FTO: variants seen among roughly 807,000 people sequenced by gnomAD.
FTO encodes the protein FTO alpha-ketoglutarate dependent dioxygenase.
Under a neutral mutation model 63.9 loss-of-function variants are expected in FTO, and 47 were observed. That is an observed-to-expected ratio of 0.74 (90% CI 0.58 to 0.94). The LOEUF (loss-of-function observed/expected upper bound fraction) is 0.94. FTO is among the 40% of genes least tolerant of loss of function. FTO has a pLI of 0.00. For synonymous variants in FTO, 207 were observed against 224.4 expected (o/e 0.92, Z 0.69); for missense variants, 562 against 618.1 (o/e 0.91, Z 0.96).
chr16:53,844,324 A>T, intron 4 of FTO, 26 bp downstream of exon 4: 2 of 1,571,460 alleles, frequency 1.3e-6, no homozygotes, highest in South Asian at 2.2e-5. Flanking sequence ...TCAAAATTAT[A>T]TTGAAACTCT....
intron 8 of FTO, among the ~76,000 whole-genome samples, chr16:54,078,087 ATCCCCTT>A (rs1287225016): frequency 2.6e-5 from 4 of 152,106 alleles, no homozygotes; most frequent in African/African-American, 9.7e-5. Context: ...GCTTTTTATT[ATCCCCTT>A]TCACCATCAG....
chr16:54,036,257 T>C (rs1488019061), intron 8 of FTO, among the ~76,000 whole-genome samples: 1 of 152,214 alleles, frequency 6.6e-6, no homozygotes, highest in East Asian at 1.9e-4. Context: ...AGCCCCATAA[T>C]GTTTTAAACA....
At chr16:54,004,561 G>A (rs1453271197) in intron 8 of FTO, among the ~76,000 whole-genome samples, 1 of 152,114 alleles carries the variant, frequency 6.6e-6, no homozygotes, top group African/African-American at 2.4e-5. Flanking sequence ...TGGAACTAGA[G>A]CATAGCTGTC....
At chr16:53,923,084 CA>C (rs1439857679) in intron 7 of FTO, 1 of 152,116 alleles carries the variant, frequency 6.6e-6, no homozygotes, top group Non-Finnish European at 1.5e-5. Context: ...GCTTGGAAAA[CA>C]GAGGGAGAAA....
intron 8 of FTO, among the ~76,000 whole-genome samples, chr16:53,983,492 A>C (rs957415419): frequency 3.3e-5 from 5 of 152,222 alleles, no homozygotes; most frequent in Middle Eastern, 3.4e-3. Flanking sequence ...GTGGAGTGGA[A>C]TTTGGGTGAC....
chr16:54,089,382 G>T (rs1897217309), intron 8 of FTO, among the ~76,000 whole-genome samples: 1 of 152,210 alleles, frequency 6.6e-6, no homozygotes, highest in Non-Finnish European at 1.5e-5. Context: ...TCCTTCCAGA[G>T]TGTAAGAGAT....
chr16:53,848,672 T>C (rs186806140), intron 4 of FTO, among the ~76,000 whole-genome samples: 1 of 152,328 alleles, frequency 6.6e-6, no homozygotes, highest in Admixed American at 6.5e-5. Flanking sequence ...AGACTGAATG[T>C]AACCAGGGAG....
At chr16:54,003,918 C>T (rs2144017813) in intron 8 of FTO, among the ~76,000 whole-genome samples, 1 of 152,236 alleles carries the variant, frequency 6.6e-6, no homozygotes, top group South Asian at 2.1e-4. Context: ...CATTATATTA[C>T]TCTGAAACAG....
intron 7 of FTO, among the ~76,000 whole-genome samples, chr16:53,889,507 A>G (rs1467637551): frequency 6.6e-6 from 1 of 152,326 alleles, no homozygotes; most frequent in East Asian, 1.9e-4. Flanking sequence ...ACCAGGTATG[A>G]CATTAGCTAA....
At chr16:53,783,023 T>A (rs907316240) in intron 1 of FTO, among the ~76,000 whole-genome samples, 1 of 152,266 alleles carries the variant, frequency 6.6e-6, no homozygotes, top group South Asian at 2.1e-4. Flanking sequence ...GAAATCTTTA[T>A]CAGTAATTTA....
intron 8 of FTO, among the ~76,000 whole-genome samples, chr16:53,964,490 G>A (rs1261044476): frequency 6.6e-6 from 1 of 152,164 alleles, no homozygotes; most frequent in African/African-American, 2.4e-5. Context: ...TGGTGAGAGA[G>A]ATGTTCTCTC....
Position 53,741,604 on chromosome 16 carries a change from A to G in FTO, c.45+37375A>G, listed in dbSNP as rs560119089. 9.6e-4 allele frequency among the ~76,000 whole-genome samples: 146 copies of G among 152,280 alleles called. 1 individual carries two copies. Among genetic ancestry groups the G allele is most frequent in the African/African-American group, 3.4e-3 (140 of 41,564 alleles). On this transcript the variant is annotated intron_variant, in intron 1 of 8. Transcript: ENST00000471389. The stretch of plus-strand genomic sequence containing the variant: ...TTTCACATAATCTGAATCATGACCT[A>G]GGTAGTGGTCAAGCTGCCCAAGAAG...
intron 2 of FTO, among the ~76,000 whole-genome samples, chr16:53,818,093 A>G (rs557180873): frequency 6.6e-6 from 1 of 152,272 alleles, no homozygotes; most frequent in Non-Finnish European, 1.5e-5. Flanking sequence ...TCCAAAATGG[A>G]AAGTGAACTT....
chr16:54,033,499 TG>T (rs1429626552), intron 8 of FTO, among the ~76,000 whole-genome samples: 2 of 152,192 alleles, frequency 1.3e-5, no homozygotes, highest in African/African-American at 4.8e-5. Context: ...TGCATACAGT[TG>T]TGTGGTATAA....
chr16:53,726,976 C>T (rs2076169282), intron 1 of FTO, among the ~76,000 whole-genome samples: 1 of 152,172 alleles, frequency 6.6e-6, no homozygotes, highest in Non-Finnish European at 1.5e-5. Flanking sequence ...CCAAGGCTGT[C>T]AACAGGATGA....
chr16:53,966,209 C>T (rs143690163), intron 8 of FTO, among the ~76,000 whole-genome samples: 1 of 152,268 alleles, frequency 6.6e-6, no homozygotes, highest in Non-Finnish European at 1.5e-5. Context: ...AAGTGCTTTG[C>T]AAATTGTGTT....
intron 8 of FTO, among the ~76,000 whole-genome samples, chr16:54,048,575 A>G (rs2085239887): frequency 6.6e-6 from 1 of 152,228 alleles, no homozygotes. Context: ...CAGGAAAAAG[A>G]AAAAAGCATA....
intron 1 of FTO, among the ~76,000 whole-genome samples, chr16:53,732,041 A>ATTTTTTTTTTTT: frequency 1.0e-5 from 1 of 98,620 alleles, no homozygotes; most frequent in Non-Finnish European, 1.9e-5. Flanking sequence ...TTGTGGCCTT[A>ATTTTTTTTTTTT]TTTTTTTTTT....
At chr16:53,937,505 A>G in intron 8 of FTO, 1 of 374,686 alleles carries the variant, frequency 2.7e-6, no homozygotes, top group Non-Finnish European at 4.7e-6. Flanking sequence ...GCAGAAAAAG[A>G]GCAGCTGCAA....
Sources: gnomAD v4.1 joint callset for allele counts (sites outside exome capture counted in the v4.1 genomes callset) on GRCh38, gnomAD v4.1.1 for gene constraint, MANE v1.5 for transcripts, NCBI Gene and HGNC (gene_info 2026-07-23, HGNC 2026-07-21) for gene names.